The following DAG1 variants were observed in gnomAD, a reference collection of about 807,000 sequenced individuals.
The protein encoded by DAG1 is dystroglycan 1, also known as dystroglycan 1 (dystrophin-associated glycoprotein 1).
A neutral mutation model predicts 46.1 loss-of-function variants in DAG1; 8 were observed. That is an observed-to-expected ratio of 0.17 (90% confidence interval 0.10 to 0.31). The LOEUF is 0.31. Among genes scored for constraint, DAG1 ranks in the 10% least tolerant of loss-of-function variants. DAG1 has a pLI of 1.00. For missense variants in DAG1, 1,003 were observed against 1,189.9 expected, an observed-to-expected ratio of 0.84 and a Z score of 2.31; for synonymous variants, 495 against 481.8, an observed-to-expected ratio of 1.03 and a Z score of -0.36.
intron 1 of DAG1, among the ~76,000 whole-genome samples, chr3:49,491,486 T>C (rs1372186783): frequency 1.3e-5 from 2 of 151,470 alleles, no homozygotes; most frequent in African/African-American, 4.9e-5. Context: ...ATTTTTTTTT[T>C]CTTTTTTTTG....
At chr3:49,472,333 G>A (rs2049544594) in intron 1 of DAG1, among the ~76,000 whole-genome samples, 1 of 152,120 alleles carries the variant, frequency 6.6e-6, no homozygotes, top group Admixed American at 6.6e-5. Context: ...ATTCTGGAAT[G>A]CATGGGCCAG....
At position 49,509,938 on chromosome 3, in the gene DAG1, A is replaced by T. The variant is rs184362142; in HGVS notation, c.-116-481A>T. Among the ~76,000 whole-genome samples, 28 of 152,306 alleles carry T rather than the reference A, an allele frequency of 1.8e-4. No homozygotes were observed. In the East Asian group the frequency reaches 4.4e-3, roughly 24 times the overall value. On this transcript the variant is annotated intron_variant, in intron 1 of 2. Coordinates refer to ENST00000308775, the MANE Select transcript of DAG1 (RefSeq NM_004393.6). Reference sequence around the variant, plus strand: ...GAGATGGGATTTTACCATGTTGGCCAGGCTGGTTTCAAACTCCTTACCTCA... The same window carrying T: ...GAGATGGGATTTTACCATGTTGGCCTGGCTGGTTTCAAACTCCTTACCTCA...
At chr3:49,475,337 C>T (rs1028460832) in intron 1 of DAG1, among the ~76,000 whole-genome samples, 1 of 151,482 alleles carries the variant, frequency 6.6e-6, no homozygotes, top group Non-Finnish European at 1.5e-5. Flanking sequence ...CTCCCGACCT[C>T]AAGTGATCCG....
chr3:49,502,927 G>A (rs1412439372), intron 1 of DAG1, among the ~76,000 whole-genome samples: 3 of 152,086 alleles, frequency 2.0e-5, no homozygotes, highest in Admixed American at 6.6e-5. Context: ...ATGAGTCACC[G>A]CGCCCGGCCA....
rs572649459 is a variant in DAG1, at chr3:49,477,853, T to C, written c.-117+7420T>C. Among the ~76,000 whole-genome samples the C allele has an allele frequency of 2.5e-4, 37 of 148,758 alleles. No homozygotes were observed. In the East Asian group the frequency reaches 5.1e-3, roughly 20 times the overall value. ...GGCAGGTGCCTGTAATCCCAGCTAC[T>C]TGGGAGGCTGAGAAAAGAGAATCAC... On this transcript the variant is annotated intron_variant, in intron 1 of 2. Transcript: ENST00000308775.
In DAG1 at chr3:49,531,534, C is replaced by T. The variant is rs774780912; in HGVS notation, c.1023C>T (p.Thr341=). The T allele has an allele frequency of 6.2e-7, 1 of 1,610,942 alleles. No homozygotes were observed. The highest frequency in any genetic ancestry group is 1.1e-5 in the South Asian group (1 of 91,010). ...IQEPPSRIVP[T]PTSPAIAPPT... Reference sequence around the variant, plus strand: ...AGCCCCCATCCAGGATCGTGCCAACCCCCACATCTCCAGCCATTGCTCCTC... The same window carrying T: ...AGCCCCCATCCAGGATCGTGCCAACTCCCACATCTCCAGCCATTGCTCCTC... Residue 341 remains threonine (T), a synonymous_variant, in exon 3 of 3, where the codon ACC becomes ACT. Coordinates refer to ENST00000308775, the MANE Select transcript of DAG1 (RefSeq NM_004393.6). This position sits in a 1 kb window ranked among gnomAD's most constrained non-coding sequence, Gnocchi z 7.0.
intron 1 of DAG1, among the ~76,000 whole-genome samples, chr3:49,488,020 T>C (rs990115365): frequency 3.3e-5 from 5 of 152,102 alleles, no homozygotes; most frequent in Admixed American, 1.3e-4. Context: ...AAATTCTTGA[T>C]AGCAATTTTC....
intron 2 of DAG1, among the ~76,000 whole-genome samples, chr3:49,523,458 C>T (rs923726837): frequency 6.6e-6 from 1 of 152,130 alleles, no homozygotes; most frequent in Non-Finnish European, 1.5e-5. Flanking sequence ...TTCCCCCATG[C>T]CCCTTAGTGT....
intron 1 of DAG1, among the ~76,000 whole-genome samples, chr3:49,478,133 G>A (rs972834584): frequency 1.3e-5 from 2 of 151,704 alleles, no homozygotes; most frequent in African/African-American, 4.8e-5. Context: ...CAGGCGTGGT[G>A]GTGTGCGCCT....
intron 2 of DAG1, among the ~76,000 whole-genome samples, chr3:49,518,551 A>G (rs1204579667): frequency 6.6e-6 from 1 of 152,222 alleles, no homozygotes; most frequent in African/African-American, 2.4e-5. Flanking sequence ...CTGCAGGGTC[A>G]GGAGAATAAA....
intron 1 of DAG1, among the ~76,000 whole-genome samples, chr3:49,481,746 C>T (rs1054010487): frequency 6.6e-6 from 1 of 152,122 alleles, no homozygotes; most frequent in Non-Finnish European, 1.5e-5. Context: ...GTAGCCAGTG[C>T]CCAGCTTGAT....
intron 2 of DAG1, among the ~76,000 whole-genome samples, chr3:49,529,772 A>G (rs2051290702): frequency 6.6e-6 from 1 of 152,172 alleles, no homozygotes; most frequent in Non-Finnish European, 1.5e-5. Flanking sequence ...CCCAAAAGTG[A>G]AAGGAGCCAC....
chr3:49,528,910 G>C (rs2051266421), intron 2 of DAG1, among the ~76,000 whole-genome samples: 1 of 151,312 alleles, frequency 6.6e-6, no homozygotes, highest in Non-Finnish European at 1.5e-5. Context: ...GGTTGCAGTG[G>C]CGTGATCTCA....
chr3:49,489,569 GT>G (rs1028809433), intron 1 of DAG1, among the ~76,000 whole-genome samples: 2 of 151,822 alleles, frequency 1.3e-5, no homozygotes, highest in Admixed American at 6.6e-5. Flanking sequence ...TCTGATTTGG[GT>G]TTTTTTTCCT....
rs147251705 is a variant in DAG1, at chr3:49,483,080, C to G, written c.-117+12647C>G. Among the ~76,000 whole-genome samples the G allele has an allele frequency of 6.1e-4, 93 of 152,180 alleles. 1 individual carries two copies. In the East Asian group the frequency reaches 0.018, roughly 29 times the overall value. Reference sequence around the variant, plus strand: ...ATTTCCTTTTTATTTGGCTATTAATCAGAACCTGGGATAACATCCATTTTC... The same window carrying G: ...ATTTCCTTTTTATTTGGCTATTAATGAGAACCTGGGATAACATCCATTTTC... On this transcript the variant is annotated intron_variant, in intron 1 of 2. Coordinates refer to ENST00000308775, the MANE Select transcript of DAG1 (RefSeq NM_004393.6).
rs2051369610 is a variant in DAG1 at position 49,532,167 on chromosome 3, A to G, written c.1656A>G (p.Val552=). 2 of 1,614,230 alleles carry G rather than the reference A, an allele frequency of 1.2e-6. No homozygotes were observed. The highest frequency in any genetic ancestry group is 1.7e-6 in the Non-Finnish European group (2 of 1,180,028). The change falls in exon 3 of 3, where the codon GTA becomes GTG. Residue 552 remains valine (V), a synonymous_variant. Coordinates refer to ENST00000308775, the MANE Select transcript of DAG1 (RefSeq NM_004393.6). This position sits in a 1 kb window ranked among gnomAD's most constrained non-coding sequence, Gnocchi z 5.4. ...AGCTGGTGGGCGAGAAGTCCTGGGT[A>G]CAGTTCAACAGCAACAGCCAGCTCA... The part of the protein sequence containing the change: ...EQQLVGEKSW[V]QFNSNSQLMY...
chr3:49,472,050 C>G (rs527696681), intron 1 of DAG1, among the ~76,000 whole-genome samples: 2 of 152,248 alleles, frequency 1.3e-5, no homozygotes, highest in Admixed American at 6.6e-5. Context: ...TTGGCAGGTG[C>G]GAGCTCTGGG....
chr3:49,514,406 CAT>C (rs1258143424), intron 2 of DAG1, among the ~76,000 whole-genome samples: 2 of 152,314 alleles, frequency 1.3e-5, no homozygotes, highest in South Asian at 4.1e-4. Context: ...AAGAGATGGT[CAT>C]GCCACATACA....
intron 2 of DAG1, among the ~76,000 whole-genome samples, chr3:49,521,432 TG>T (rs993012777): frequency 6.6e-6 from 1 of 152,208 alleles, no homozygotes; most frequent in Non-Finnish European, 1.5e-5. Flanking sequence ...CCCAAAGTGC[TG>T]GGATTACAGG....
Sources: allele counts gnomAD v4.1 joint callset (sites outside exome capture counted in the v4.1 genomes callset), GRCh38; gene constraint gnomAD v4.1.1; non-coding constraint Gnocchi (gnomAD v3.1); transcripts MANE v1.5; gene names NCBI Gene and HGNC (gene_info 2026-07-23, HGNC 2026-07-21).